Variants in SEM1 observed in about 807,000 individuals in gnomAD.
The protein encoded by SEM1 is SEM1 26S proteasome subunit, also known as 26S proteasome complex subunit SEM1.
A neutral mutation model predicts 12.7 loss-of-function variants in SEM1; 3 were observed. That is an observed-to-expected ratio of 0.24 (90% CI 0.11 to 0.61). SEM1 has a LOEUF of 0.61. SEM1 is among the 20% of genes least tolerant of loss of function. The pLI, the probability that SEM1 is intolerant of heterozygous loss-of-function variation, is 0.88. For missense variants in SEM1, 59 were observed against 81.3 expected (o/e 0.73, Z 1.06); for synonymous variants, 30 against 27.8 (o/e 1.08, Z -0.25).
At chr7:96,484,749 A>G in intron 3 of SEM1, 1 of 867,326 alleles carries the variant, frequency 1.2e-6, no homozygotes, top group Non-Finnish European at 1.6e-6. Flanking sequence ...CACTGGCATC[A>G]CTGGGTGCCT....
At chr7:96,669,460 G>C (rs1584850323), downstream of SEM1, among the ~76,000 whole-genome samples, 1 of 152,036 alleles carries the variant, frequency 6.6e-6, no homozygotes, top group African/African-American at 2.4e-5. Context: ...ATCAGAAAAT[G>C]GTATAGAAAA....
At chr7:96,611,176 C>T (rs1345195919) in intron 2 of SEM1, among the ~76,000 whole-genome samples, 1 of 152,220 alleles carries the variant, frequency 6.6e-6, no homozygotes, top group East Asian at 1.9e-4. Flanking sequence ...ATGCCTCCCT[C>T]CCTTTTCTCC....
downstream of SEM1, among the ~76,000 whole-genome samples, chr7:96,685,726 G>A (rs1789743431): frequency 6.7e-6 from 1 of 150,300 alleles, no homozygotes; most frequent in African/African-American, 2.5e-5. Context: ...TACATAGTAA[G>A]CATCAGTTAT....
chr7:96,587,163 AT>A (rs1264413891), intron 2 of SEM1, among the ~76,000 whole-genome samples: 2 of 152,146 alleles, frequency 1.3e-5, no homozygotes, highest in Non-Finnish European at 2.9e-5. Flanking sequence ...GATTAAAGAG[AT>A]TTTTTTAAAA....
chr7:96,661,988 CAAAA>C (rs890732912), intron 2 of SEM1, among the ~76,000 whole-genome samples: 2 of 36,046 alleles, frequency 5.5e-5, no homozygotes, highest in African/African-American at 9.0e-5. Context: ...AACTCCGTCT[CAAAA>C]AAAAAAAAAA....
At chr7:96,557,475 T>TG (rs1483815521) in intron 2 of SEM1, among the ~76,000 whole-genome samples, 15 of 102,406 alleles carry the variant, frequency 1.5e-4, no homozygotes, top group Non-Finnish European at 3.2e-4. Flanking sequence ...GTGCCCCTGC[T>TG]GGGGGGTGCC....
chr7:96,697,981 G>A (rs4342522), intron 1 of SEM1, among the ~76,000 whole-genome samples: 51,689 of 151,976 alleles, frequency 0.34, 10,528 homozygotes, highest in African/African-American at 0.58. Context: ...GCACCACTTT[G>A]CTACTATATT....
intron 1 of SEM1, chr7:96,496,211 AGGTATACTAACTCAT>A: frequency 1.1e-6 from 1 of 890,476 alleles, no homozygotes. Context: ...AGTACACTCA[AGGTATACTAACTCAT>A]GTAGAGGATT....
intron 2 of SEM1, among the ~76,000 whole-genome samples, chr7:96,555,401 G>T (rs543771575): frequency 8.7e-5 from 13 of 149,534 alleles, no homozygotes; most frequent in Non-Finnish European, 1.8e-4. Context: ...CTTTGTTCTC[G>T]TTGGTTTCAA....
intron 2 of SEM1, among the ~76,000 whole-genome samples, chr7:96,589,322 C>G (rs1806754828): frequency 6.6e-6 from 1 of 152,192 alleles, no homozygotes; most frequent in Non-Finnish European, 1.5e-5. Context: ...AACGGCCCAT[C>G]CCCGGATTAG....
intron 2 of SEM1, among the ~76,000 whole-genome samples, chr7:96,660,863 T>A (rs1788980572): frequency 6.6e-6 from 1 of 152,054 alleles, no homozygotes; most frequent in Admixed American, 6.5e-5. Context: ...ACAACAGAAT[T>A]AAGTTTAAAA....
chr7:96,557,998 T>A (rs1340941059), intron 2 of SEM1: 1 of 153,752 alleles, frequency 6.5e-6, no homozygotes, highest in Non-Finnish European at 1.4e-5. Flanking sequence ...GGGAACTCCC[T>A]GACCCCTTGC....
chr7:96,511,580 A>G (rs1044994212), intron 2 of SEM1, among the ~76,000 whole-genome samples: 6 of 152,036 alleles, frequency 3.9e-5, no homozygotes, highest in Non-Finnish European at 5.9e-5. Flanking sequence ...TATGGCTAGA[A>G]ATTTAGGTTG....
chr7:96,691,359 T>C (rs1324862059), intron 2 of SEM1, among the ~76,000 whole-genome samples: 1 of 152,188 alleles, frequency 6.6e-6, no homozygotes, highest in Non-Finnish European at 1.5e-5. Context: ...TTAAATCACT[T>C]AAACGTTATA....
At chr7:96,512,462 C>T (rs1194711588) in intron 2 of SEM1, among the ~76,000 whole-genome samples, 1 of 152,114 alleles carries the variant, frequency 6.6e-6, no homozygotes, top group Non-Finnish European at 1.5e-5. Context: ...AGCCTGTGAA[C>T]AGGCTTGGAT....
intron 2 of SEM1, among the ~76,000 whole-genome samples, chr7:96,572,642 A>C (rs926578449): frequency 1.3e-5 from 2 of 152,146 alleles, no homozygotes; most frequent in Non-Finnish European, 2.9e-5. Context: ...CTGTGGTCTG[A>C]GAGACTGTTT....
At chr7:96,577,964 A>G (rs942211625) in intron 2 of SEM1, among the ~76,000 whole-genome samples, 1 of 152,106 alleles carries the variant, frequency 6.6e-6, no homozygotes, top group African/African-American at 2.4e-5. Context: ...GCTTAAGGAA[A>G]TAAGAGACTC....
intron 2 of SEM1, among the ~76,000 whole-genome samples, chr7:96,537,598 A>G (rs1055403841): frequency 6.6e-6 from 1 of 151,644 alleles, no homozygotes; most frequent in Non-Finnish European, 1.5e-5. Context: ...ATGGTTTTCA[A>G]TGGGAAGTGT....
Position 96,661,988 on chromosome 7 carries a change from CAA to C in SEM1, c.170+32808_170+32809del, listed in dbSNP as rs890732912. Among the ~76,000 whole-genome samples the C allele has an allele frequency of 4.4e-3, 160 of 36,026 alleles. 1 individual carries two copies. The highest frequency in any genetic ancestry group is 0.014 in the African/African-American group (151 of 11,138). 23.6% of individuals were successfully genotyped at this position (36,026 alleles called of 152,430 possible). On this transcript the variant is annotated intron_variant, in intron 2 of 2. Coordinates refer to the SEM1 transcript ENST00000417009. ...AGGCAACAAGAGCAAAACTCCGTCT[CAA>C]AAAAAAAAAAAAAAAAAAAAGTCAG...
Sources: gnomAD v4.1 joint callset for allele counts (sites outside exome capture counted in the v4.1 genomes callset) on GRCh38, gnomAD v4.1.1 for gene constraint, MANE v1.5 for transcripts, NCBI Gene and HGNC (gene_info 2026-07-23, HGNC 2026-07-21) for gene names.